The following LIN54 variants were observed in gnomAD, a reference collection of about 807,000 sequenced individuals.
The protein encoded by LIN54 is lin-54 DREAM MuvB core complex component, also known as protein lin-54 homolog.
Under a neutral mutation model 78.7 loss-of-function variants are expected in LIN54, and 9 were observed. The observed-to-expected ratio is 0.11, with a 90% CI of 0.07 to 0.20. The LOEUF is 0.20. LIN54 is among the 10% of genes least tolerant of loss of function. LIN54 has a pLI of 1.00. For synonymous variants in LIN54, 269 were observed against 318.4 expected (o/e 0.84, Z 1.65); for missense variants, 573 against 889.9 (o/e 0.64, Z 4.53).
intron 1 of LIN54, 131 bp downstream of exon 1, chr4:83,010,353 C>G: frequency 3.2e-6 from 1 of 310,066 alleles, no homozygotes; most frequent in Non-Finnish European, 4.8e-6. Flanking sequence ...CATGACGAGG[C>G]TACTGATTCT....
intron 4 of LIN54, among the ~76,000 whole-genome samples, chr4:82,969,414 TCACTATG>T (rs1725467498): frequency 6.6e-6 from 1 of 152,208 alleles, no homozygotes; most frequent in African/African-American, 2.4e-5. Context: ...TCAGTGCCTA[TCACTATG>T]CATGGCACAG....
intron 4 of LIN54, among the ~76,000 whole-genome samples, chr4:82,961,313 C>T (rs367799947): frequency 3.3e-5 from 5 of 152,066 alleles, no homozygotes; most frequent in Admixed American, 6.6e-5. Flanking sequence ...ACTCAAGCTA[C>T]GAGACCTAGA....
chr4:83,004,799 CAA>C (rs1224376434), intron 1 of LIN54, among the ~76,000 whole-genome samples: 2 of 152,074 alleles, frequency 1.3e-5, no homozygotes, highest in Admixed American at 1.3e-4. Flanking sequence ...GTGCCTGACC[CAA>C]AGATTGTTTA....
At chr4:82,995,670 T>C (rs1728154367) in intron 1 of LIN54, among the ~76,000 whole-genome samples, 1 of 151,392 alleles carries the variant, frequency 6.6e-6, no homozygotes, top group African/African-American at 2.4e-5. Context: ...TAATTTTTTG[T>C]ATTTTTAGTA....
chr4:82,972,787 C>T (rs1047752056), intron 3 of LIN54, among the ~76,000 whole-genome samples: 5 of 151,984 alleles, frequency 3.3e-5, no homozygotes, highest in Non-Finnish European at 1.5e-5. Flanking sequence ...TCGAGACCAG[C>T]CTGGCCAACA....
intron 1 of LIN54, 54 bp downstream of exon 1, chr4:83,010,430 C>CCCCAAAAAA: frequency 6.9e-6 from 4 of 576,998 alleles, no homozygotes; most frequent in Non-Finnish European, 8.9e-6. Flanking sequence ...CCCATCCCCC[C>CCCCAAAAAA]AAATAAAGAG....
intron 4 of LIN54, among the ~76,000 whole-genome samples, chr4:82,963,700 G>A (rs1209895876): frequency 6.6e-6 from 1 of 151,182 alleles, no homozygotes; most frequent in East Asian, 1.9e-4. Flanking sequence ...AAAAATCTTT[G>A]TACTTATAAC....
At chr4:82,929,238 CTTTT>C (rs1202509834) in intron 12 of LIN54, among the ~76,000 whole-genome samples, 1 of 152,008 alleles carries the variant, frequency 6.6e-6, no homozygotes, top group Non-Finnish European at 1.5e-5. Flanking sequence ...GCTAGCATAA[CTTTT>C]TTTATACAAG....
chr4:82,992,133 C>A lies in LIN54; in HGVS notation c.-32-7257G>T, dbSNP rs1553957685. Among the ~76,000 whole-genome samples the A allele has an allele frequency of 5.9e-5, 9 of 152,288 alleles. No homozygotes were observed. The South Asian group carries it at 1.5e-3, about 25-fold the overall frequency. ...TTAACTATAAATTCATTTCCTTTAG[C>A]AGATGTAGGGCGATTCAGATTATCT... On this transcript the variant is annotated intron_variant, in intron 1 of 12. Transcript: ENST00000340417.
chr4:82,928,300 C>T lies in LIN54; in HGVS notation c.2052G>A (p.Leu684=), dbSNP rs1478187587. The T allele has an allele frequency of 1.2e-6, 2 of 1,612,588 alleles. No homozygotes were observed. The highest frequency in any genetic ancestry group is 1.7e-6 in the Non-Finnish European group (2 of 1,178,634). Residue 684 remains leucine (L), a synonymous_variant, in exon 13 of 13, where the codon TTG becomes TTA. Coordinates refer to ENST00000340417, the MANE Select transcript of LIN54 (RefSeq NM_194282.4). ...TPALNSGGGK[L]PFTFVTKEVA... is the part of the protein sequence containing the mutation. ...CTTCCTTAGTTACAAATGTAAATGGCAATCTGAAATGATTTTTGAAAGAGA... is the reference window on the plus strand; with the variant it reads ...CTTCCTTAGTTACAAATGTAAATGGTAATCTGAAATGATTTTTGAAAGAGA...
At chr4:82,995,203 G>A (rs1025014610) in intron 1 of LIN54, among the ~76,000 whole-genome samples, 14 of 151,980 alleles carry the variant, frequency 9.2e-5, no homozygotes, top group African/African-American at 3.4e-4. Flanking sequence ...GGGAGGCTGA[G>A]ACAGGAGGAA....
intron 4 of LIN54, among the ~76,000 whole-genome samples, chr4:82,948,495 T>C (rs966121407): frequency 6.6e-6 from 1 of 152,232 alleles, no homozygotes; most frequent in African/African-American, 2.4e-5. Flanking sequence ...AATGTTAGTA[T>C]AATGAAGCAA....
upstream of LIN54, chr4:83,010,836 C>T (rs973926459): frequency 7.6e-5 from 93 of 1,229,154 alleles, 1 homozygote; most frequent in African/African-American, 1.3e-3. Flanking sequence ...CCTCCCCCTT[C>T]CTCCTCCTCC....
chr4:82,979,829 C>CGGGA (rs1726472497), intron 2 of LIN54, among the ~76,000 whole-genome samples: 1 of 148,126 alleles, frequency 6.8e-6, no homozygotes, highest in Non-Finnish European at 1.5e-5. Flanking sequence ...CTTAGCTACT[C>CGGGA]GGGAGGCTGA....
chr4:83,011,466 A>G (rs941657562), upstream of LIN54, among the ~76,000 whole-genome samples: 3 of 152,178 alleles, frequency 2.0e-5, no homozygotes, highest in Non-Finnish European at 4.4e-5. Context: ...TCAAAGCGCA[A>G]CTAGATTTGA....
Position 83,010,690 on chromosome 4 carries a change from GCCGCCT to G in LIN54, c.-245_-240del, listed in dbSNP as rs1209116750. Reference sequence around the variant, plus strand: ...CCGGGGTGGCGACGTCGCCGTCGCCGCCGCCTCTGGTATGTCAGGGGCCGGGATTGT... The same window carrying G: ...CCGGGGTGGCGACGTCGCCGTCGCCGCTGGTATGTCAGGGGCCGGGATTGT... On this transcript the variant is annotated 5_prime_UTR_variant, in exon 1 of 13. Transcript: ENST00000340417. The G allele has an allele frequency of 6.1e-6, 7 of 1,146,170 alleles. No individual in the cohort carries two copies. The East Asian group carries it at 2.4e-4, about 39-fold the overall frequency. 71.0% of individuals were successfully genotyped at this position (1,146,170 alleles called of 1,614,324 possible).
At chr4:82,947,231 A>ATTTTTTTTTT (rs1390095473) in intron 4 of LIN54, among the ~76,000 whole-genome samples, 31 of 13,940 alleles carry the variant, frequency 2.2e-3, no homozygotes, top group African/African-American at 4.7e-3. Context: ...ATATATATAT[A>ATTTTTTTTTT]TATATTTTTT....
chr4:82,971,003 C>T (rs1725601813), intron 3 of LIN54, among the ~76,000 whole-genome samples: 1 of 152,160 alleles, frequency 6.6e-6, no homozygotes, highest in African/African-American at 2.4e-5. Context: ...CCCACCCCGG[C>T]CAGATTCCAT....
chr4:82,949,149 C>T (rs901786857), intron 4 of LIN54, among the ~76,000 whole-genome samples: 3 of 152,114 alleles, frequency 2.0e-5, no homozygotes, highest in Admixed American at 6.5e-5. Context: ...ACAAGGGTTC[C>T]GTTTTCTGCA....
Sources: gnomAD v4.1 joint callset for allele counts (sites outside exome capture counted in the v4.1 genomes callset) on GRCh38, gnomAD v4.1.1 for gene constraint, MANE v1.5 for transcripts, NCBI Gene and HGNC (gene_info 2026-07-23, HGNC 2026-07-21) for gene names.